The following LHFPL3 variants were observed in gnomAD, a reference collection of about 807,000 sequenced individuals.
LHFPL3 encodes the protein LHFPL tetraspan subfamily member 3, also known as LHFPL tetraspan subfamily member 3 protein.
In LHFPL3, 5 loss-of-function variants were observed where a neutral mutation model predicts 19.3. The observed-to-expected ratio is 0.26, with a 90% CI of 0.14 to 0.54. LHFPL3 has a LOEUF of 0.54. LHFPL3 is among the 20% of genes least tolerant of loss of function. The pLI is 0.94. For missense variants in LHFPL3, 249 were observed against 307.4 expected (o/e 0.81, Z 1.42); for synonymous variants, 133 against 126.2 (o/e 1.05, Z -0.36).
chr7:104,574,949 G>T (rs368956135), intron 1 of LHFPL3, among the ~76,000 whole-genome samples: 1 of 152,146 alleles, frequency 6.6e-6, no homozygotes, highest in Non-Finnish European at 1.5e-5. Context: ...AGGGTACCCT[G>T]TACATTTTAA....
At chr7:104,471,155 G>A (rs1026462809) in intron 1 of LHFPL3, among the ~76,000 whole-genome samples, 1 of 152,064 alleles carries the variant, frequency 6.6e-6, no homozygotes, top group Non-Finnish European at 1.5e-5. Flanking sequence ...TCTATACGGT[G>A]TGTGTATTTG....
chr7:104,565,731 C>A (rs1790108255), intron 1 of LHFPL3, among the ~76,000 whole-genome samples: 2 of 125,146 alleles, frequency 1.6e-5, no homozygotes, highest in Non-Finnish European at 3.2e-5. Flanking sequence ...GTCTATCTAT[C>A]TATCTATCTA....
intron 1 of LHFPL3, among the ~76,000 whole-genome samples, chr7:104,603,788 G>A (rs1341396763): frequency 1.3e-5 from 2 of 152,258 alleles, no homozygotes; most frequent in Admixed American, 6.5e-5. Flanking sequence ...GTCTTAAGCT[G>A]AAGAACAACA....
chr7:104,784,304 G>C (rs1361229687), intron 2 of LHFPL3, among the ~76,000 whole-genome samples: 1 of 152,144 alleles, frequency 6.6e-6, no homozygotes, highest in East Asian at 1.9e-4. Flanking sequence ...AACCAGGAAA[G>C]AACTGAATTC....
At chr7:104,558,523 G>T (rs1032501483) in intron 1 of LHFPL3, among the ~76,000 whole-genome samples, 3 of 151,982 alleles carry the variant, frequency 2.0e-5, no homozygotes, top group Admixed American at 1.3e-4. Context: ...TTTTGATGGG[G>T]TTGTTTGTTT....
At position 104,772,440 on chromosome 7, in the gene LHFPL3, C is replaced by T. The variant is rs57968847; in HGVS notation, c.682+35529C>T. ...CTGTCTTATAGCCATGCAGCCCCTA[C>T]GGTGTGCTCAGACAATGGGCTCCGA... On this transcript the variant is annotated intron_variant, in intron 2 of 2. Coordinates refer to ENST00000424859, the MANE Select transcript of LHFPL3 (RefSeq NM_199000.3). Among the ~76,000 whole-genome samples, 3 of 152,124 alleles carry T rather than the reference C, an allele frequency of 2.0e-5. No individual in the cohort carries two copies. The South Asian group carries it at 6.2e-4, about 32-fold the overall frequency.
chr7:104,681,018 A>G (rs1446322062), intron 1 of LHFPL3, among the ~76,000 whole-genome samples: 1 of 152,190 alleles, frequency 6.6e-6, no homozygotes. Context: ...GTAAATATAT[A>G]TTTGAACAGA....
Position 104,378,518 on chromosome 7 carries a change from T to G in LHFPL3, c.445+49294T>G, listed in dbSNP as rs561818902. ...TGCTGTGAGTACTCATGTACAGGTCTTTCTGTTGCAACATATTTTTACTTT... is the reference window on the plus strand; with the variant it reads ...TGCTGTGAGTACTCATGTACAGGTCGTTCTGTTGCAACATATTTTTACTTT... On this transcript the variant is annotated intron_variant, in intron 1 of 2. Transcript: ENST00000424859. Among the ~76,000 whole-genome samples, 12 of 152,338 alleles carry G rather than the reference T, an allele frequency of 7.9e-5. No individual in the cohort carries two copies. In the East Asian group the frequency reaches 1.7e-3, roughly 22 times the overall value.
chr7:104,557,314 T>G (rs1289450037), intron 1 of LHFPL3, among the ~76,000 whole-genome samples: 1 of 152,168 alleles, frequency 6.6e-6, no homozygotes, highest in African/African-American at 2.4e-5. Flanking sequence ...CAGTTCCACA[T>G]AGCTGGGGAG....
intron 1 of LHFPL3, among the ~76,000 whole-genome samples, chr7:104,406,415 A>G (rs185011424): frequency 6.6e-6 from 1 of 152,320 alleles, no homozygotes; most frequent in African/African-American, 2.4e-5. Context: ...GAGATAAGGA[A>G]TATGTATTGT....
At chr7:104,450,011 C>A (rs1792403344) in intron 1 of LHFPL3, among the ~76,000 whole-genome samples, 1 of 152,144 alleles carries the variant, frequency 6.6e-6, no homozygotes, top group African/African-American at 2.4e-5. Context: ...TTTTATTCTT[C>A]ATTTGAATTG....
intron 1 of LHFPL3, among the ~76,000 whole-genome samples, chr7:104,620,182 A>G (rs1185569649): frequency 1.3e-5 from 2 of 152,134 alleles, no homozygotes; most frequent in Non-Finnish European, 2.9e-5. Flanking sequence ...AGGGACCCTA[A>G]GACAAGCCTG....
chr7:104,761,438 G>A (rs1041579117), intron 2 of LHFPL3, among the ~76,000 whole-genome samples: 1 of 151,956 alleles, frequency 6.6e-6, no homozygotes, highest in African/African-American at 2.4e-5. Flanking sequence ...AACAATAGGA[G>A]GAAAAGCCAC....
chr7:104,461,335 G>A (rs146176076), intron 1 of LHFPL3, among the ~76,000 whole-genome samples: 3,923 of 152,154 alleles, frequency 0.026, 155 homozygotes, highest in African/African-American at 0.089. Flanking sequence ...TATTTTGGGT[G>A]GGGACACAGC....
chr7:104,529,414 A>G (rs758501915), intron 1 of LHFPL3, among the ~76,000 whole-genome samples: 1 of 152,128 alleles, frequency 6.6e-6, no homozygotes, highest in East Asian at 1.9e-4. Flanking sequence ...TTTGAGGGTT[A>G]TGAGTGCATG....
chr7:104,889,503 G>A (rs143762771), intron 2 of LHFPL3, among the ~76,000 whole-genome samples: 6,136 of 152,230 alleles, frequency 0.04, 182 homozygotes, highest in Non-Finnish European at 0.063. Context: ...AGCCAGGTGT[G>A]GTGTCACAAG....
intron 1 of LHFPL3, among the ~76,000 whole-genome samples, chr7:104,574,387 T>C (rs538456243): frequency 6.6e-6 from 1 of 152,334 alleles, no homozygotes; most frequent in East Asian, 1.9e-4. Flanking sequence ...ATATCATTAA[T>C]GGATTACTAA....
chr7:104,488,828 G>A (rs905521215), intron 1 of LHFPL3, among the ~76,000 whole-genome samples: 5 of 152,216 alleles, frequency 3.3e-5, no homozygotes, highest in African/African-American at 1.2e-4. Context: ...AAGTCTGTTG[G>A]CACTAAGAAG....
intron 1 of LHFPL3, among the ~76,000 whole-genome samples, chr7:104,595,164 C>T (rs928381832): frequency 6.6e-5 from 10 of 152,320 alleles, no homozygotes; most frequent in African/African-American, 1.9e-4. Flanking sequence ...GGTTTCTCCC[C>T]ATCTTTGTGG....
Sources: gnomAD v4.1 joint callset for allele counts (sites outside exome capture counted in the v4.1 genomes callset) on GRCh38, gnomAD v4.1.1 for gene constraint, MANE v1.5 for transcripts, NCBI Gene and HGNC (gene_info 2026-07-23, HGNC 2026-07-21) for gene names.